Variants in MBP observed in about 807,000 individuals in gnomAD.
MBP encodes Golli-MBP.
A neutral mutation model predicts 35.8 loss-of-function variants in MBP; 16 were observed. The observed-to-expected ratio is 0.45, with a 90% CI of 0.30 to 0.68. The LOEUF (loss-of-function observed/expected upper bound fraction) is 0.68, where lower values mean the gene tolerates loss of function less well. Ranked by LOEUF, MBP falls within the 30% of genes least tolerant of loss-of-function variation. The pLI is 0.08. For synonymous variants in MBP, 143 were observed against 159.6 expected, an observed-to-expected ratio of 0.90 and a Z score of 0.78; for missense variants, 380 against 404.7, an observed-to-expected ratio of 0.94 and a Z score of 0.52.
At chr18:77,054,105 C>A (rs1341470358) in intron 3 of MBP, among the ~76,000 whole-genome samples, 1 of 152,218 alleles carries the variant, frequency 6.6e-6, no homozygotes, top group African/African-American at 2.4e-5. Context: ...CCGGTCCCTC[C>A]CCGCCCTGCC....
chr18:77,027,009 T>C (rs1287385558), intron 3 of MBP, among the ~76,000 whole-genome samples: 5 of 152,214 alleles, frequency 3.3e-5, no homozygotes, highest in African/African-American at 1.2e-4. Flanking sequence ...AGACATGCAG[T>C]GGAGGCTTAG....
intron 3 of MBP, among the ~76,000 whole-genome samples, chr18:77,056,382 T>G (rs1429416818): frequency 6.6e-6 from 1 of 152,224 alleles, no homozygotes; most frequent in African/African-American, 2.4e-5. Flanking sequence ...CTATGAATTA[T>G]TTCTCCGTCC....
chr18:77,100,550 G>T (rs1476340433), intron 2 of MBP, among the ~76,000 whole-genome samples: 15 of 116,768 alleles, frequency 1.3e-4, no homozygotes, highest in African/African-American at 3.9e-4. Flanking sequence ...TGTGTGTTTT[G>T]TGGTTTTTTC....
Position 77,048,625 on chromosome 18 carries a change from G to A in MBP, c.139+17673C>T, listed in dbSNP as rs549616190. Among the ~76,000 whole-genome samples the A allele has an allele frequency of 8.8e-4, 134 of 152,122 alleles. 1 individual carries two copies. Among genetic ancestry groups the A allele is most frequent in the African/African-American group, 2.8e-3 (115 of 41,504 alleles). On this transcript the variant is annotated intron_variant, in intron 3 of 8. Transcript: ENST00000355994. Reference sequence around the variant, plus strand: ...ATTACAGGTGCCCGCCACCACGGCCGGCTAATTTTTGTATTTTTAGTTGAG... The same window carrying A: ...ATTACAGGTGCCCGCCACCACGGCCAGCTAATTTTTGTATTTTTAGTTGAG...
intron 2 of MBP, among the ~76,000 whole-genome samples, chr18:77,100,012 C>A (rs765933587): frequency 2.0e-5 from 3 of 152,196 alleles, no homozygotes; most frequent in Admixed American, 6.5e-5. Flanking sequence ...ATTGTGCAGC[C>A]GCTGCTGGGG....
intron 2 of MBP, among the ~76,000 whole-genome samples, chr18:77,085,331 T>G (rs1009393686): frequency 6.6e-6 from 1 of 152,196 alleles, no homozygotes; most frequent in Non-Finnish European, 1.5e-5. Context: ...AGATCTTTGC[T>G]CAAAAGACAG....
intron 3 of MBP, among the ~76,000 whole-genome samples, chr18:77,052,809 A>C (rs571867697): frequency 6.6e-6 from 1 of 152,038 alleles, no homozygotes. Flanking sequence ...ACCGGGCCTG[A>C]GTCCCCGAGC....
chr18:77,057,180 T>A (rs1268284780), intron 3 of MBP, among the ~76,000 whole-genome samples: 2 of 152,190 alleles, frequency 1.3e-5, no homozygotes, highest in Admixed American at 1.3e-4. Context: ...AGTGTTTGTT[T>A]TCACATCTGT....
chr18:77,131,837 C>A lies in MBP; in HGVS notation c.-26+743G>T, dbSNP rs112147011. Among the ~76,000 whole-genome samples the A allele has an allele frequency of 6.6e-6, 1 of 152,012 alleles. No individual in the cohort carries two copies. The highest frequency in any genetic ancestry group is 2.4e-5 in the African/African-American group (1 of 41,422). ...GAGGGGACTGCCGGGAAGACCCGGG[C>A]GGGCCGGCGGGCGGCTGCGGGCGGC... On this transcript the variant is annotated intron_variant, in intron 1 of 8. Transcript: ENST00000355994. This position sits in a 1 kb window ranked among gnomAD's most constrained non-coding sequence, Gnocchi z 5.5.
At chr18:77,080,902 C>T (rs1310473516) in intron 2 of MBP, among the ~76,000 whole-genome samples, 4 of 152,044 alleles carry the variant, frequency 2.6e-5, no homozygotes, top group East Asian at 1.9e-4. Flanking sequence ...AGGCTGGTCT[C>T]GAACTCCTGA....
intron 4 of MBP, among the ~76,000 whole-genome samples, chr18:76,997,985 G>A (rs1970408389): frequency 6.6e-6 from 1 of 152,218 alleles, no homozygotes; most frequent in Non-Finnish European, 1.5e-5. Context: ...CCCGGCCTGA[G>A]CCACTTTTTA....
At chr18:77,124,559 C>T (rs540250460) in intron 1 of MBP, among the ~76,000 whole-genome samples, 53 of 152,260 alleles carry the variant, frequency 3.5e-4, no homozygotes, top group African/African-American at 1.3e-3. Context: ...CAGCTGGGGC[C>T]GCACTGGCCT....
intron 4 of MBP, among the ~76,000 whole-genome samples, chr18:76,999,779 C>T (rs148706761): frequency 1.0e-3 from 159 of 152,178 alleles, no homozygotes; most frequent in Non-Finnish European, 1.8e-3. Flanking sequence ...TTAGGACACA[C>T]ATTTAGTAAT....
At chr18:77,050,889 G>T (rs1973461799) in intron 3 of MBP, among the ~76,000 whole-genome samples, 1 of 152,066 alleles carries the variant, frequency 6.6e-6, no homozygotes. Flanking sequence ...CATCTCAAGG[G>T]AAACCTCCTG....
chr18:76,992,297 C>G (rs1329788859), intron 4 of MBP, among the ~76,000 whole-genome samples: 1 of 152,190 alleles, frequency 6.6e-6, no homozygotes, highest in Admixed American at 6.5e-5. Flanking sequence ...TGCACAACCT[C>G]GATCCCTCGA....
intron 3 of MBP, among the ~76,000 whole-genome samples, chr18:77,026,650 C>G (rs1043356664): frequency 6.6e-6 from 1 of 151,954 alleles, no homozygotes; most frequent in Admixed American, 6.6e-5. Flanking sequence ...AGGATGGCTT[C>G]AGGCTGGAAG....
chr18:77,077,357 CA>C (rs56002600), intron 2 of MBP, among the ~76,000 whole-genome samples: 8,349 of 107,600 alleles, frequency 0.078, 298 homozygotes, highest in East Asian at 0.16. Flanking sequence ...GACTCCGTCG[CA>C]AAAAAAAAAA....
chr18:77,105,025 TTAA>T (rs1195229601), intron 2 of MBP, among the ~76,000 whole-genome samples, 183 bp downstream of exon 2: 1 of 144,416 alleles, frequency 6.9e-6, no homozygotes, highest in East Asian at 2.0e-4. Context: ...AAATTAATAA[TTAA>T]TAATCAATCG....
At chr18:77,060,448 CTTTTTTT>C (rs74182682) in intron 3 of MBP, among the ~76,000 whole-genome samples, 3 of 97,630 alleles carry the variant, frequency 3.1e-5, no homozygotes, top group African/African-American at 6.2e-5. Context: ...TCTCTCTCTC[CTTTTTTT>C]TTTTTTTTTT....
Sources: allele counts gnomAD v4.1 joint callset (sites outside exome capture counted in the v4.1 genomes callset), GRCh38; gene constraint gnomAD v4.1.1; non-coding constraint Gnocchi (gnomAD v3.1); transcripts MANE v1.5; gene names NCBI Gene and HGNC (gene_info 2026-07-23, HGNC 2026-07-21).